The following RARB variants were observed in gnomAD, a reference collection of about 807,000 sequenced individuals.
RARB encodes the protein retinoic acid receptor beta.
In RARB, 17 loss-of-function variants were observed where a neutral mutation model predicts 51.9. The observed-to-expected ratio is 0.33, with a 90% CI of 0.22 to 0.49. The LOEUF is 0.49. RARB is among the 20% of genes least tolerant of loss of function. The pLI is 0.99. For missense variants in RARB, 369 were observed against 550.8 expected (o/e 0.67, Z 3.30); for synonymous variants, 215 against 195.4 (o/e 1.10, Z -0.84).
upstream of RARB, among the ~76,000 whole-genome samples, chr3:25,424,483 C>T (rs1234781882): frequency 6.6e-6 from 1 of 152,218 alleles, no homozygotes; most frequent in Admixed American, 6.5e-5. Flanking sequence ...CTGGAACACA[C>T]AAGTCACTCA....
At position 24,875,085 on chromosome 3, in the gene RARB, TTCTA is replaced by T. The variant is rs1455373858; in HGVS notation, c.-380+16337_-380+16340del. 2.6e-5 allele frequency among the ~76,000 whole-genome samples: 4 copies of T among 152,238 alleles called. No individual in the cohort carries two copies. In the South Asian group the frequency reaches 6.2e-4, roughly 24 times the overall value. On this transcript the variant is annotated intron_variant, in intron 2 of 11. Coordinates refer to the RARB transcript ENST00000383772. ...ATGCTTCTGTTAAACAAGATTTTGG[TTCTA>T]TCTTTTTCTAATCTTACATTTTAAC...
In RARB at chr3:25,293,080, C is replaced by A. The variant is rs544065697; in HGVS notation, c.178+118505C>A. Among the ~76,000 whole-genome samples the A allele has an allele frequency of 2.6e-5, 4 of 152,248 alleles. No individual in the cohort carries two copies. In the South Asian group the frequency reaches 8.3e-4, roughly 32 times the overall value. On this transcript the variant is annotated intron_variant, in intron 5 of 11. Coordinates refer to the RARB transcript ENST00000383772. ...CCAATGCAGACAAAAGATTAGCTCT[C>A]CTAGTTATTCACAGCCTGGCTGTGC... is the stretch of plus-strand genomic sequence containing the variant.
At chr3:25,008,269 A>G (rs1036131300) in intron 2 of RARB, among the ~76,000 whole-genome samples, 4 of 152,072 alleles carry the variant, frequency 2.6e-5, no homozygotes, top group African/African-American at 7.2e-5. Context: ...GCTACTCTCT[A>G]TAATTTTTTA....
At chr3:25,078,022 T>G (rs1428217811) in intron 3 of RARB, among the ~76,000 whole-genome samples, 1 of 152,194 alleles carries the variant, frequency 6.6e-6, no homozygotes. Context: ...CTATTTTTGT[T>G]TGACTTCTAT....
At chr3:25,122,471 A>C (rs1699799452) in intron 3 of RARB, among the ~76,000 whole-genome samples, 1 of 151,916 alleles carries the variant, frequency 6.6e-6, no homozygotes, top group Non-Finnish European at 1.5e-5. Flanking sequence ...CCATGAACTG[A>C]AGTTTGGGAA....
At chr3:24,923,110 C>T (rs544063034) in intron 2 of RARB, among the ~76,000 whole-genome samples, 4 of 152,136 alleles carry the variant, frequency 2.6e-5, no homozygotes, top group East Asian at 1.9e-4. Context: ...GTCAAGAGAC[C>T]GGGTATTTGA....
chr3:25,455,576 G>A (rs1444936689), intron 1 of RARB, among the ~76,000 whole-genome samples: 1 of 152,154 alleles, frequency 6.6e-6, no homozygotes, highest in African/African-American at 2.4e-5. Context: ...AGCAGCTTCC[G>A]AGGACAATGC....
chr3:25,163,825 T>A (rs1700517049), intron 4 of RARB, among the ~76,000 whole-genome samples: 1 of 152,044 alleles, frequency 6.6e-6, no homozygotes, highest in Non-Finnish European at 1.5e-5. Context: ...AATTCAGTTG[T>A]GATGTTTCTT....
chr3:25,024,188 T>G (rs968746427), intron 2 of RARB, among the ~76,000 whole-genome samples: 69 of 152,330 alleles, frequency 4.5e-4, no homozygotes, highest in African/African-American at 1.6e-3. Flanking sequence ...CTCATAAGAC[T>G]TTTGTAGATT....
In RARB at chr3:25,163,502, AAAATATAT is replaced by A. The variant is rs1275958706; in HGVS notation, c.-279-10615_-279-10608del. On this transcript the variant is annotated intron_variant, in intron 4 of 11. Coordinates refer to the RARB transcript ENST00000383772. Reference sequence around the variant, plus strand: ...CCTGAGCAGAATAAGACCCTATCTCAAAATATATATATATATATATATATATATATATA... The same window carrying A: ...CCTGAGCAGAATAAGACCCTATCTCAATATATATATATATATATATATATA... Among the ~76,000 whole-genome samples, 231 of 53,996 alleles carry A rather than the reference AAAATATAT, an allele frequency of 4.3e-3. 4 individuals carry two copies. Among genetic ancestry groups the A allele is most frequent in the African/African-American group, 0.021 (220 of 10,448 alleles). The allele number at this position is 53,996 out of a possible 152,430, so 35.4% of individuals were successfully genotyped here.
At chr3:24,853,988 A>T (rs1224390304) in intron 1 of RARB, among the ~76,000 whole-genome samples, 2 of 152,228 alleles carry the variant, frequency 1.3e-5, no homozygotes, top group Non-Finnish European at 2.9e-5. Flanking sequence ...CAAGGATCAG[A>T]TTGAAGAACT....
chr3:25,439,389 A>T (rs1046596406), intron 1 of RARB, among the ~76,000 whole-genome samples: 1 of 152,178 alleles, frequency 6.6e-6, no homozygotes, highest in African/African-American at 2.4e-5. Context: ...CTCTCATTTC[A>T]GTGACTTCAA....
intron 4 of RARB, among the ~76,000 whole-genome samples, chr3:25,577,899 A>C (rs1225543375): frequency 6.6e-6 from 1 of 152,174 alleles, no homozygotes; most frequent in Non-Finnish European, 1.5e-5. Context: ...CATCCTGGGG[A>C]GGCGCTGCAG....
chr3:24,876,612 T>C (rs994847596), intron 2 of RARB, among the ~76,000 whole-genome samples: 1 of 152,120 alleles, frequency 6.6e-6, no homozygotes, highest in Non-Finnish European at 1.5e-5. Flanking sequence ...CTTGATCTTA[T>C]GAACTACACA....
intron 5 of RARB, among the ~76,000 whole-genome samples, chr3:25,357,911 C>A (rs1193833001): frequency 2.6e-5 from 4 of 152,224 alleles, no homozygotes; most frequent in Admixed American, 6.5e-5. Context: ...GTTACTGTAG[C>A]CTTGTAGTAT....
chr3:24,920,838 A>T (rs1199052044), intron 2 of RARB, among the ~76,000 whole-genome samples: 1 of 152,194 alleles, frequency 6.6e-6, no homozygotes, highest in Non-Finnish European at 1.5e-5. Context: ...TGGATACTGC[A>T]TTTATAGAGC....
At chr3:25,432,339 A>C (rs1271842442) in intron 1 of RARB, among the ~76,000 whole-genome samples, 1 of 152,222 alleles carries the variant, frequency 6.6e-6, no homozygotes, top group Non-Finnish European at 1.5e-5. Flanking sequence ...GATTCAAAAA[A>C]CTAAACAGTA....
At chr3:25,177,760 A>G (rs998930714) in intron 5 of RARB, among the ~76,000 whole-genome samples, 4 of 152,142 alleles carry the variant, frequency 2.6e-5, no homozygotes, top group African/African-American at 9.7e-5. Flanking sequence ...CTACAGCACA[A>G]TGGCTCCATT....
At chr3:24,980,049 A>C (rs1696608839) in intron 2 of RARB, among the ~76,000 whole-genome samples, 1 of 152,168 alleles carries the variant, frequency 6.6e-6, no homozygotes, top group Non-Finnish European at 1.5e-5. Flanking sequence ...GCTGGATATG[A>C]AATTCTAGGT....
Sources: allele counts gnomAD v4.1 joint callset (sites outside exome capture counted in the v4.1 genomes callset), GRCh38; gene constraint gnomAD v4.1.1; transcripts MANE v1.5; gene names NCBI Gene and HGNC (gene_info 2026-07-23, HGNC 2026-07-21).